The following LMNB2 variants were observed in gnomAD, a reference collection of about 807,000 sequenced individuals.
The protein encoded by LMNB2 is lamin B2.
Under a neutral mutation model 69.3 loss-of-function variants are expected in LMNB2, and 17 were observed. That is an observed-to-expected ratio of 0.25 (90% CI 0.17 to 0.37). LMNB2 has a LOEUF of 0.37. Ranked by LOEUF, LMNB2 falls within the 10% of genes least tolerant of loss-of-function variation. LMNB2 has a pLI of 1.00. For missense variants in LMNB2, 789 were observed against 883.6 expected (o/e 0.89, Z 1.36); for synonymous variants, 397 against 389.3 (o/e 1.02, Z -0.23).
At chr19:2,432,348 C>G in intron 9 of LMNB2, 68 bp downstream of exon 9, 1 of 1,206,916 alleles carries the variant, frequency 8.3e-7, no homozygotes, top group South Asian at 1.2e-5. Flanking sequence ...AGTCCTGTGC[C>G]TCCAGTCCCC....
chr19:2,432,610 A>G, intron 8 of LMNB2, 87 bp from the exon 9 acceptor site: 1 of 1,050,162 alleles, frequency 9.5e-7, no homozygotes, highest in Non-Finnish European at 1.5e-6. Flanking sequence ...CATCACCCTG[A>G]CCCTGGTCAC....
In LMNB2 at chr19:2,434,342, G is replaced by A; in HGVS notation, c.1155C>T (p.Asp385=). The A allele has an allele frequency of 6.2e-7, 1 of 1,613,194 alleles. No individual in the cohort carries two copies. Among genetic ancestry groups the A allele is most frequent in the Non-Finnish European group, 8.5e-7 (1 of 1,179,996 alleles). ...GCTTCCGGTAGGCGTTGATCTCCAT[G>A]TCCAGGGCCAGCTTCACGTCCAGCA... The part of the protein sequence containing the change: ...QELLDVKLAL[D]MEINAYRKLL... The change falls in exon 7 of 12, where the codon GAC becomes GAT. Residue 385 remains aspartate, a synonymous_variant. Transcript: ENST00000325327.
rs1971972677 is a variant in LMNB2 at position 2,447,736 on chromosome 19, C to G, written c.265-3196G>C. On this transcript the variant is annotated intron_variant, in intron 1 of 11. Coordinates refer to ENST00000325327, the MANE Select transcript of LMNB2 (RefSeq NM_032737.4). This position sits in a 1 kb window ranked among gnomAD's most constrained non-coding sequence, Gnocchi z 4.4. ...GCCTGCATCTGGAGGGCCACACCCCCATGTTACAGGCGAGGCTCCTGTGCA... is the reference window on the plus strand; with the variant it reads ...GCCTGCATCTGGAGGGCCACACCCCGATGTTACAGGCGAGGCTCCTGTGCA... Among the ~76,000 whole-genome samples the G allele has an allele frequency of 6.6e-6, 1 of 152,188 alleles. No individual in the cohort carries two copies. Among genetic ancestry groups the G allele is most frequent in the South Asian group, 2.1e-4 (1 of 4,830 alleles).
chr19:2,434,610 C>G (rs965824535), intron 6 of LMNB2, 95 bp from the exon 7 acceptor site: 1 of 1,519,002 alleles, frequency 6.6e-7, no homozygotes, highest in South Asian at 1.2e-5. Flanking sequence ...TCACCACAGA[C>G]TGGGGCAGAG....
intron 4 of LMNB2, among the ~76,000 whole-genome samples, chr19:2,435,747 T>C (rs1009083195): frequency 6.6e-6 from 1 of 151,064 alleles, no homozygotes; most frequent in Non-Finnish European, 1.5e-5. Context: ...TCGCTTGACC[T>C]TGGGAGGTTG....
In LMNB2 at chr19:2,438,253, C is replaced by T. The variant is rs1971851267; in HGVS notation, c.594G>A (p.Leu198=). 1 of 1,613,962 alleles carries T rather than the reference C, an allele frequency of 6.2e-7. No individual in the cohort carries two copies. Among genetic ancestry groups the T allele is most frequent in the African/African-American group, 1.3e-5 (1 of 74,950 alleles). Residue 198 remains leucine (L), a synonymous_variant, in exon 4 of 12, where the codon CTG becomes CTA. Transcript: ENST00000325327. The part of the protein sequence containing the change: ...EDGHAVAKKQ[L]EKETLMRVDL... ...CCACACGCATCAGCGTCTCCTTCTC[C>T]AGCTGCTTTTTGGCCACTGCATGAC...
intron 11 of LMNB2, among the ~76,000 whole-genome samples, chr19:2,431,212 C>T (rs1356325245): frequency 6.6e-6 from 1 of 152,212 alleles, no homozygotes; most frequent in Non-Finnish European, 1.5e-5. Context: ...ATCTTCTCCC[C>T]AGAAGCCAGT....
chr19:2,431,707 T>G, intron 10 of LMNB2, 49 bp from the exon 11 acceptor site: 2 of 1,613,846 alleles, frequency 1.2e-6, no homozygotes, highest in Non-Finnish European at 1.7e-6. Context: ...GGCCCAGAGC[T>G]GCTGTGGCGG....
intron 1 of LMNB2, among the ~76,000 whole-genome samples, chr19:2,456,080 C>G (rs1352269204): frequency 6.6e-6 from 1 of 151,078 alleles, no homozygotes; most frequent in Non-Finnish European, 1.5e-5. Flanking sequence ...AGCCGGGAGT[C>G]GTTCAGAGTC....
At chr19:2,454,665 C>A (rs1280621876) in intron 1 of LMNB2, among the ~76,000 whole-genome samples, 1 of 152,154 alleles carries the variant, frequency 6.6e-6, no homozygotes, top group Non-Finnish European at 1.5e-5. Context: ...GGGGACTGGG[C>A]GCTGCAAATC....
At chr19:2,437,799 C>CAAAA (rs59867677) in intron 4 of LMNB2, among the ~76,000 whole-genome samples, 2 of 138,618 alleles carry the variant, frequency 1.4e-5, no homozygotes, top group African/African-American at 5.8e-5. Flanking sequence ...AACTCCATCT[C>CAAAA]AAAAAAAGAC....
chr19:2,444,615 C>T, intron 1 of LMNB2, 75 bp from the exon 2 acceptor site: 2 of 1,576,014 alleles, frequency 1.3e-6, no homozygotes, highest in Non-Finnish European at 1.7e-6. Flanking sequence ...GGCCCGGCCA[C>T]TGGCCCTGCT....
chr19:2,435,193 C>T, intron 4 of LMNB2, 22 bp from the exon 5 acceptor site: 1 of 1,598,196 alleles, frequency 6.3e-7, no homozygotes, highest in Non-Finnish European at 8.5e-7. Context: ...GGCTTCGTGA[C>T]CCTCTGGTCC....
At chr19:2,446,323 C>T (rs1029949104) in intron 1 of LMNB2, among the ~76,000 whole-genome samples, 2 of 151,784 alleles carry the variant, frequency 1.3e-5, no homozygotes, top group Non-Finnish European at 2.9e-5. Flanking sequence ...ACTGGAACAC[C>T]CTCTGGGCCG....
rs756278266 is a variant in LMNB2 at position 2,447,604 on chromosome 19, C to G, written c.265-3064G>C. Among the ~76,000 whole-genome samples the G allele has an allele frequency of 6.6e-6, 1 of 152,126 alleles. No individual in the cohort carries two copies. The highest frequency in any genetic ancestry group is 1.5e-5 in the Non-Finnish European group (1 of 68,022). On this transcript the variant is annotated intron_variant, in intron 1 of 11. Coordinates refer to ENST00000325327, the MANE Select transcript of LMNB2 (RefSeq NM_032737.4). The surrounding 1 kb of genome is among the most constrained non-coding windows in gnomAD (Gnocchi z 4.4). ...CTCTGGCGCTGAGGAAAAGGAGGACCGGAGGATGGTAGGCGGAACCAGGCC... is the reference window on the plus strand; with the variant it reads ...CTCTGGCGCTGAGGAAAAGGAGGACGGGAGGATGGTAGGCGGAACCAGGCC...
At chr19:2,436,692 C>G (rs1377907787) in intron 4 of LMNB2, 30 of 150,640 alleles carry the variant, frequency 2.0e-4, no homozygotes, top group African/African-American at 7.4e-4. Context: ...CTCCCGCCAC[C>G]ACGGCCGCGC....
rs1319608134 is a variant in LMNB2, at chr19:2,429,521, C to G, written c.*1390G>C. On this transcript the variant is annotated 3_prime_UTR_variant, in exon 12 of 12. Transcript: ENST00000325327. Reference sequence around the variant, plus strand: ...TGGGGCCCCCCATTCCTTCCTGCCACAGGCAGGTCCCCAGGGAGGCGGGAT... The same window carrying G: ...TGGGGCCCCCCATTCCTTCCTGCCAGAGGCAGGTCCCCAGGGAGGCGGGAT... 2.6e-5 allele frequency: 4 copies of G among 152,274 alleles called. No individual in the cohort carries two copies. Among genetic ancestry groups the G allele is most frequent in the Admixed American group, 6.5e-5 (1 of 15,286 alleles). The allele number at this position is 152,274 out of a possible 1,614,324, so 9.4% of individuals were successfully genotyped here.
chr19:2,440,765 AT>A (rs1971891172), intron 2 of LMNB2, among the ~76,000 whole-genome samples: 4 of 150,492 alleles, frequency 2.7e-5, no homozygotes, highest in African/African-American at 9.8e-5. Context: ...TCCATCATCT[AT>A]CTATCCATTA....
At position 2,444,434 on chromosome 19, in the gene LMNB2, A is replaced by G; in HGVS notation, c.371T>C (p.Leu124Pro). 6.2e-7 allele frequency: 1 copy of G among 1,613,752 alleles called. No individual in the cohort carries two copies. Among genetic ancestry groups the G allele is most frequent in the Non-Finnish European group, 8.5e-7 (1 of 1,180,008 alleles). The change falls in exon 2 of 12, where the codon CTG (leucine) becomes CCG (proline). Residue 124 changes from leucine (L) to proline (P), a missense_variant. Coordinates refer to ENST00000325327, the MANE Select transcript of LMNB2 (RefSeq NM_032737.4). Reference protein sequence around the residue: ...RARLQIEIGKLRAELDEVNKS... With the variant: ...RARLQIEIGKPRAELDEVNKS... ...GTTGACCTCGTCCAACTCTGCCCTCAGCTTCCCAATCTCTATCTGCAGCCG... is the reference window on the plus strand; with the variant it reads ...GTTGACCTCGTCCAACTCTGCCCTCGGCTTCCCAATCTCTATCTGCAGCCG...
Sources: gnomAD v4.1 joint callset for allele counts (sites outside exome capture counted in the v4.1 genomes callset) on GRCh38, gnomAD v4.1.1 for gene constraint, Gnocchi (gnomAD v3.1) non-coding constraint, MANE v1.5 for transcripts, NCBI Gene and HGNC (gene_info 2026-07-23, HGNC 2026-07-21) for gene names.